TBC1D5: variants seen among roughly 807,000 people sequenced by gnomAD.
TBC1D5 encodes TBC1 domain family, member 5.
Under a neutral mutation model 100.3 loss-of-function variants are expected in TBC1D5, and 75 were observed. The observed-to-expected ratio is 0.75, with a 90% CI of 0.62 to 0.91. The LOEUF (loss-of-function observed/expected upper bound fraction) is 0.91. TBC1D5 is among the 40% of genes least tolerant of loss of function. The pLI is 0.00. For synonymous variants in TBC1D5, 323 were observed against 325.6 expected, an observed-to-expected ratio of 0.99 and a Z score of 0.09; for missense variants, 910 against 942.4, an observed-to-expected ratio of 0.97 and a Z score of 0.45.
intron 3 of TBC1D5, among the ~76,000 whole-genome samples, chr3:17,485,874 G>T (rs1403217214): frequency 6.6e-6 from 1 of 152,078 alleles, no homozygotes; most frequent in Non-Finnish European, 1.5e-5. Context: ...GGATGGTTGG[G>T]TCAAATGGTA....
At position 17,401,316 on chromosome 3, in the gene TBC1D5, GTATGTGTATAATATACATATA is replaced by G. The variant is rs1177514667; in HGVS notation, c.509+1844_509+1864del. The stretch of plus-strand genomic sequence containing the variant: ...GTATGTGTATAATACACATATATAT[GTATGTGTATAATATACATATA>G]TGTATAATATACATATATATGTATG... On this transcript the variant is annotated intron_variant, in intron 8 of 21. Transcript: ENST00000253692. 1.8e-4 allele frequency among the ~76,000 whole-genome samples: 18 copies of G among 100,890 alleles called. 2 individuals are homozygous for G. The highest frequency in any genetic ancestry group is 6.3e-4 in the African/African-American group (14 of 22,266). 66.2% of individuals were successfully genotyped at this position (100,890 alleles called of 152,430 possible).
intron 13 of TBC1D5, among the ~76,000 whole-genome samples, chr3:17,316,783 C>T (rs927711108): frequency 2.6e-5 from 4 of 152,132 alleles, no homozygotes; most frequent in African/African-American, 4.8e-5. Context: ...CTTCACTGAC[C>T]TGAGGGTGGA....
chr3:17,369,350 C>T (rs544005857), intron 13 of TBC1D5, among the ~76,000 whole-genome samples: 1 of 152,224 alleles, frequency 6.6e-6, no homozygotes, highest in African/African-American at 2.4e-5. Flanking sequence ...ATAATAAAGG[C>T]ATGTCAAAAC....
intron 15 of TBC1D5, among the ~76,000 whole-genome samples, chr3:17,288,192 A>T (rs929354473): frequency 6.6e-6 from 1 of 151,994 alleles, no homozygotes; most frequent in Admixed American, 6.5e-5. Flanking sequence ...CTCTTTTATG[A>T]CTTTATAATT....
chr3:17,391,435 C>T (rs2093348405), intron 8 of TBC1D5, among the ~76,000 whole-genome samples: 1 of 152,008 alleles, frequency 6.6e-6, no homozygotes, highest in Non-Finnish European at 1.5e-5. Context: ...TATACTGCTC[C>T]CAAACTCCTG....
At chr3:17,457,820 T>C (rs565035602) in intron 3 of TBC1D5, among the ~76,000 whole-genome samples, 2 of 152,294 alleles carry the variant, frequency 1.3e-5, no homozygotes, top group African/African-American at 4.8e-5. Flanking sequence ...TATGGCCACA[T>C]GTTTCCTTCT....
intron 15 of TBC1D5, among the ~76,000 whole-genome samples, chr3:17,273,472 C>G (rs754740114): frequency 2.6e-5 from 4 of 152,170 alleles, no homozygotes; most frequent in Admixed American, 6.5e-5. Context: ...CTGGATATTT[C>G]TACCTGGATA....
At chr3:17,167,245 C>A (rs2066714893) in intron 20 of TBC1D5, among the ~76,000 whole-genome samples, 1 of 152,204 alleles carries the variant, frequency 6.6e-6, no homozygotes, top group African/African-American at 2.4e-5. Flanking sequence ...CCACTGCACA[C>A]CTTGGTCACT....
chr3:17,172,134 CCTT>C (rs1380566237), intron 19 of TBC1D5, among the ~76,000 whole-genome samples: 1 of 152,182 alleles, frequency 6.6e-6, no homozygotes, highest in Admixed American at 6.5e-5. Context: ...CAGGGATAAA[CCTT>C]TTTTTAATCA....
At chr3:17,709,956 T>G (rs745426031) in intron 1 of TBC1D5, among the ~76,000 whole-genome samples, 2 of 152,160 alleles carry the variant, frequency 1.3e-5, no homozygotes, top group African/African-American at 2.4e-5. Flanking sequence ...GAAAAGTATC[T>G]GTCCTCTCGG....
rs1168919752 is a variant in TBC1D5, at chr3:17,698,528, C to A, written c.-101+40815G>T. 6.6e-5 allele frequency among the ~76,000 whole-genome samples: 10 copies of A among 151,736 alleles called. No individual in the cohort carries two copies. The East Asian group carries it at 2.0e-3, about 30-fold the overall frequency. ...ACACCAAAAGCAATGGCAACAAAAGCCAAAATTGACAAATGGGATCTAATT... is the reference window on the plus strand; with the variant it reads ...ACACCAAAAGCAATGGCAACAAAAGACAAAATTGACAAATGGGATCTAATT... On this transcript the variant is annotated intron_variant, in intron 1 of 21. Coordinates refer to ENST00000253692, the Ensembl canonical transcript of TBC1D5.
At chr3:17,601,292 CCT>C (rs1432163927) in intron 2 of TBC1D5, among the ~76,000 whole-genome samples, 3 of 152,284 alleles carry the variant, frequency 2.0e-5, no homozygotes, top group Non-Finnish European at 4.4e-5. Flanking sequence ...GGGTGGATCA[CCT>C]GAGGTCGGGA....
At position 17,705,959 on chromosome 3, in the gene TBC1D5, G is replaced by T; in HGVS notation, c.-101+33384C>A. On this transcript the variant is annotated intron_variant, in intron 1 of 21. Coordinates refer to ENST00000253692, the Ensembl canonical transcript of TBC1D5. Reference sequence around the variant, plus strand: ...CTCCTCCAGCCGCTGCCTCCCGGGCGGCGCTCCTCAGCATTTCTTTACTCT... The same window carrying T: ...CTCCTCCAGCCGCTGCCTCCCGGGCTGCGCTCCTCAGCATTTCTTTACTCT... 3.7e-6 allele frequency: 5 copies of T among 1,342,490 alleles called. 1 individual carries two copies. The South Asian group carries it at 4.4e-5, about 12-fold the overall frequency. The allele number at this position is 1,342,490 out of a possible 1,614,324, so 83.2% of individuals were successfully genotyped here.
At chr3:17,501,597 C>T (rs1045867507) in intron 3 of TBC1D5, among the ~76,000 whole-genome samples, 16 of 149,054 alleles carry the variant, frequency 1.1e-4, no homozygotes, top group Non-Finnish European at 1.8e-4. Flanking sequence ...TTGACTCCAT[C>T]CCTTCTAAAA....
At chr3:17,443,463 A>G (rs1436743630) in intron 3 of TBC1D5, among the ~76,000 whole-genome samples, 5 of 152,238 alleles carry the variant, frequency 3.3e-5, no homozygotes, top group Admixed American at 1.3e-4. Context: ...GAGAATTCCT[A>G]TCAAACAACT....
chr3:17,368,572 T>C (rs1042355497), intron 13 of TBC1D5, among the ~76,000 whole-genome samples: 4 of 152,052 alleles, frequency 2.6e-5, no homozygotes, highest in Admixed American at 2.6e-4. Context: ...AAATATATAT[T>C]TATGATTTAC....
chr3:17,671,574 A>G (rs1265526684), intron 1 of TBC1D5, among the ~76,000 whole-genome samples: 4 of 152,222 alleles, frequency 2.6e-5, no homozygotes, highest in Non-Finnish European at 5.9e-5. Context: ...AAAGTACAAA[A>G]CAAGGCATCT....
At chr3:17,643,120 A>G (rs371701607) in intron 1 of TBC1D5, among the ~76,000 whole-genome samples, 2 of 151,860 alleles carry the variant, frequency 1.3e-5, no homozygotes, top group African/African-American at 4.8e-5. Context: ...GCCTCCCCCA[A>G]TCTGTGGGAA....
At chr3:17,173,551 T>A (rs963486812) in intron 19 of TBC1D5, among the ~76,000 whole-genome samples, 1 of 152,152 alleles carries the variant, frequency 6.6e-6, no homozygotes, top group African/African-American at 2.4e-5. Flanking sequence ...GAGATGGGGG[T>A]AATACCCATC....
Sources: allele counts gnomAD v4.1 joint callset (sites outside exome capture counted in the v4.1 genomes callset), GRCh38; gene constraint gnomAD v4.1.1; transcripts MANE v1.5; gene names NCBI Gene and HGNC (gene_info 2026-07-23, HGNC 2026-07-21).